RIMS1: variants seen among roughly 807,000 people sequenced by gnomAD.
RIMS1 encodes the protein regulating synaptic membrane exocytosis 1, also known as regulating synaptic membrane exocytosis protein 1.
Under a neutral mutation model 214.1 loss-of-function variants are expected in RIMS1, and 83 were observed. The ratio of observed to expected loss-of-function variants is 0.39; its 90% CI spans 0.32 to 0.47. The LOEUF (loss-of-function observed/expected upper bound fraction) is 0.47, where lower values mean the gene tolerates loss of function less well. Ranked by LOEUF, RIMS1 falls within the 20% of genes least tolerant of loss-of-function variation. The pLI is 0.99. For synonymous variants in RIMS1, 793 were observed against 786.8 expected, an observed-to-expected ratio of 1.01 and a Z score of -0.13; for missense variants, 2,050 against 2,161.8, an observed-to-expected ratio of 0.95 and a Z score of 1.03.
rs574750589 is a variant in RIMS1 at position 72,119,416 on chromosome 6, T to G, written c.471+19430T>G. Reference sequence around the variant, plus strand: ...AAGCAATCTACAGATTTAGGGCAATTCCCATCATCATTCTTCACAGAATTA... The same window carrying G: ...AAGCAATCTACAGATTTAGGGCAATGCCCATCATCATTCTTCACAGAATTA... On this transcript the variant is annotated intron_variant, in intron 4 of 33. Transcript: ENST00000521978. 3.3e-5 allele frequency among the ~76,000 whole-genome samples: 5 copies of G among 151,762 alleles called. No homozygotes were observed. In the South Asian group the frequency reaches 6.2e-4, roughly 19 times the overall value.
chr6:72,181,248 C>T (rs975868322), intron 5 of RIMS1, among the ~76,000 whole-genome samples: 2 of 152,130 alleles, frequency 1.3e-5, no homozygotes, highest in African/African-American at 2.4e-5. Context: ...TTGTAAGATA[C>T]TCAGGAGTTG....
At chr6:72,345,666 C>T (rs995223302) in intron 29 of RIMS1, among the ~76,000 whole-genome samples, 3 of 151,534 alleles carry the variant, frequency 2.0e-5, no homozygotes, top group African/African-American at 7.3e-5. Flanking sequence ...ATAATCTTGC[C>T]TTTTTTCACT....
At chr6:72,285,869 A>G (rs957666931) in intron 24 of RIMS1, among the ~76,000 whole-genome samples, 1 of 152,198 alleles carries the variant, frequency 6.6e-6, no homozygotes, top group South Asian at 2.1e-4. Context: ...GTATTCTTTT[A>G]ATTCTATTCA....
At chr6:72,395,665 A>C (rs1253014865) in intron 31 of RIMS1, among the ~76,000 whole-genome samples, 1 of 152,086 alleles carries the variant, frequency 6.6e-6, no homozygotes, top group Non-Finnish European at 1.5e-5. Context: ...AGTGAGGTCT[A>C]ATATATGTCT....
intron 6 of RIMS1, among the ~76,000 whole-genome samples, chr6:72,209,842 G>A (rs11967777): frequency 0.17 from 26,183 of 149,872 alleles, 2,879 homozygotes; most frequent in Non-Finnish European, 0.23. Flanking sequence ...CGGAGCTTGC[G>A]GTGAGCTGAG....
chr6:72,268,999 T>C (rs2081825842), intron 22 of RIMS1, among the ~76,000 whole-genome samples: 1 of 152,206 alleles, frequency 6.6e-6, no homozygotes, highest in Non-Finnish European at 1.5e-5. Context: ...GTTACTTACA[T>C]GTTCAGAAGC....
In RIMS1 at chr6:72,402,649, A is replaced by T. The variant is rs115062476; in HGVS notation, c.*1935A>T. Reference sequence around the variant, plus strand: ...GGAACTGAAGCATTGGTGCACTTCTACTAGATTCCGTTCTGTCTTAGTGGC... The same window carrying T: ...GGAACTGAAGCATTGGTGCACTTCTTCTAGATTCCGTTCTGTCTTAGTGGC... On this transcript the variant is annotated 3_prime_UTR_variant, in exon 34 of 34. Coordinates refer to ENST00000521978, the MANE Select transcript of RIMS1 (RefSeq NM_014989.7). 6.6e-6 allele frequency: 1 copy of T among 152,634 alleles called. No individual in the cohort carries two copies. The highest frequency in any genetic ancestry group is 1.5e-5 in the Non-Finnish European group (1 of 68,032). The allele number at this position is 152,634 out of a possible 1,614,324, so 9.5% of individuals were successfully genotyped here. A position where few individuals can be genotyped will look rare whatever the true frequency, so the allele number is the denominator to read the frequency against.
chr6:72,379,332 C>G (rs958527012), intron 29 of RIMS1, among the ~76,000 whole-genome samples: 1 of 152,214 alleles, frequency 6.6e-6, no homozygotes, highest in African/African-American at 2.4e-5. Context: ...AGTAGCTGCT[C>G]TAGCTCCCAC....
chr6:72,199,072 AG>A (rs1283461559), intron 6 of RIMS1, among the ~76,000 whole-genome samples: 1 of 152,072 alleles, frequency 6.6e-6, no homozygotes, highest in African/African-American at 2.4e-5. Flanking sequence ...TTAAAACTGG[AG>A]GTCATTTCCA....
At chr6:72,233,633 C>G in intron 6 of RIMS1, 140 bp from the exon 7 acceptor site, 1 of 655,344 alleles carries the variant, frequency 1.5e-6, no homozygotes, top group Non-Finnish European at 2.8e-6. Flanking sequence ...ACCTTTGCAA[C>G]ACAGGTGTGC....
At chr6:71,979,451 A>C (rs1797962237) in intron 2 of RIMS1, among the ~76,000 whole-genome samples, 1 of 152,088 alleles carries the variant, frequency 6.6e-6, no homozygotes, top group South Asian at 2.1e-4. Context: ...AATCCGTGAA[A>C]TTTTAGTCAT....
At chr6:72,147,943 G>T (rs567731861) in intron 4 of RIMS1, among the ~76,000 whole-genome samples, 32 of 152,270 alleles carry the variant, frequency 2.1e-4, no homozygotes, top group African/African-American at 7.0e-4. Context: ...AGCATCCCAG[G>T]CTTCTGGGTT....
intron 1 of RIMS1, among the ~76,000 whole-genome samples, chr6:71,955,751 G>C (rs1479578584): frequency 6.6e-6 from 1 of 152,084 alleles, no homozygotes; most frequent in African/African-American, 2.4e-5. Flanking sequence ...TGTCTTTGGG[G>C]AAAATTGTTA....
intron 4 of RIMS1, among the ~76,000 whole-genome samples, chr6:72,144,882 C>CTTTTTTTTTTTTTTTTTTTTTTTT (rs1194756462): frequency 6.7e-6 from 1 of 149,116 alleles, no homozygotes; most frequent in South Asian, 2.1e-4. Context: ...TTTTTTCTTT[C>CTTTTTTTTTTTTTTTTTTTTTTTT]TTTTTTCTTT....
At chr6:72,302,985 T>C (rs2094782308) in intron 26 of RIMS1, among the ~76,000 whole-genome samples, 1 of 151,096 alleles carries the variant, frequency 6.6e-6, no homozygotes, top group South Asian at 2.1e-4. Flanking sequence ...AATTTCAAGG[T>C]GCATAGAGAG....
At position 72,401,900 on chromosome 6, in the gene RIMS1, C is replaced by A. The variant is rs1390515023; in HGVS notation, c.*1186C>A. Reference sequence around the variant, plus strand: ...CATTTCTTTGAGATTGATGCAAGCACAAAGCTTGATTTTTTAATGCAAAGT... The same window carrying A: ...CATTTCTTTGAGATTGATGCAAGCAAAAAGCTTGATTTTTTAATGCAAAGT... On this transcript the variant is annotated 3_prime_UTR_variant, in exon 34 of 34. Transcript: ENST00000521978. 3 of 152,736 alleles carry A rather than the reference C, an allele frequency of 2.0e-5. No individual in the cohort carries two copies. The East Asian group carries it at 5.8e-4, about 29-fold the overall frequency. The allele number at this position is 152,736 out of a possible 1,614,324, so 9.5% of individuals were successfully genotyped here.
intron 8 of RIMS1, among the ~76,000 whole-genome samples, chr6:72,236,225 G>T (rs1258106641): frequency 6.6e-6 from 1 of 152,030 alleles, no homozygotes; most frequent in African/African-American, 2.4e-5. Flanking sequence ...TTGAGCCCCT[G>T]CATTGGAAGA....
chr6:72,141,768 T>C (rs1184302060), intron 4 of RIMS1, among the ~76,000 whole-genome samples: 1 of 152,012 alleles, frequency 6.6e-6, no homozygotes, highest in Non-Finnish European at 1.5e-5. Context: ...AAAATGTGTT[T>C]TTCAGAATTT....
chr6:72,325,415 A>G (rs2096408223), intron 28 of RIMS1, among the ~76,000 whole-genome samples: 1 of 151,290 alleles, frequency 6.6e-6, no homozygotes, highest in Non-Finnish European at 1.5e-5. Context: ...CCATTTACAT[A>G]TATTCAATCC....
Sources: allele counts gnomAD v4.1 joint callset (sites outside exome capture counted in the v4.1 genomes callset), GRCh38; gene constraint gnomAD v4.1.1; transcripts MANE v1.5; gene names NCBI Gene and HGNC (gene_info 2026-07-23, HGNC 2026-07-21).